IQCM: variants seen among roughly 807,000 people sequenced by gnomAD.
IQCM encodes IQ motif containing M, also known as IQ domain-containing protein M.
A neutral mutation model predicts 57.6 loss-of-function variants in IQCM; 45 were observed. That is an observed-to-expected ratio of 0.78 (90% CI 0.62 to 1.00). The LOEUF is 1.00. IQCM is among the 50% of genes least tolerant of loss of function. The pLI is 0.00. For synonymous variants in IQCM, 148 were observed against 158.9 expected (o/e 0.93, Z 0.51); for missense variants, 468 against 511.6 (o/e 0.91, Z 0.82).
chr4:149,592,863 T>A (rs1753342688), intron 8 of IQCM, among the ~76,000 whole-genome samples: 2 of 152,190 alleles, frequency 1.3e-5, no homozygotes, highest in African/African-American at 4.8e-5. Flanking sequence ...ACTGTAGCCT[T>A]GTAGTATAGT....
chr4:149,570,001 T>C (rs915315429), intron 9 of IQCM, among the ~76,000 whole-genome samples: 5 of 152,054 alleles, frequency 3.3e-5, no homozygotes, highest in South Asian at 2.1e-4. Context: ...TTAAATAGTA[T>C]ATAAATGGTT....
chr4:149,527,988 GTTTT>G (rs201549907), intron 12 of IQCM, among the ~76,000 whole-genome samples: 2 of 136,642 alleles, frequency 1.5e-5, no homozygotes, highest in African/African-American at 2.7e-5. Flanking sequence ...CTTGTTTTTT[GTTTT>G]TTTTTTTTTT....
At position 149,354,703 on chromosome 4, in the gene IQCM, T is replaced by G. The variant is rs180810032; in HGVS notation, c.1391-2637A>C. ...CCAAGTTCATGTTCTTATACATTTC[T>G]GAGTGAATCCAGGTTTGGTATTCAA... On this transcript the variant is annotated intron_variant, in intron 13 of 13. Coordinates refer to ENST00000636793, the MANE Select transcript of IQCM (RefSeq NM_001363507.2). Among the ~76,000 whole-genome samples, 468 of 152,302 alleles carry G rather than the reference T, an allele frequency of 3.1e-3. 2 individuals carry two copies. The highest frequency in any genetic ancestry group is 6.8e-3 in the Middle Eastern group (2 of 294).
chr4:149,453,856 C>T (rs1429167765), intron 12 of IQCM, among the ~76,000 whole-genome samples: 2 of 151,812 alleles, frequency 1.3e-5, no homozygotes, highest in Non-Finnish European at 2.9e-5. Flanking sequence ...AGCAACTCTA[C>T]CCCTAGGTAT....
intron 13 of IQCM, among the ~76,000 whole-genome samples, chr4:149,369,385 T>G (rs959896077): frequency 6.6e-6 from 1 of 151,808 alleles, no homozygotes; most frequent in Non-Finnish European, 1.5e-5. Flanking sequence ...ATCCTAATAT[T>G]CCAAACAAAT....
intron 2 of IQCM, among the ~76,000 whole-genome samples, chr4:149,812,169 C>G (rs1171549380): frequency 6.6e-6 from 1 of 152,094 alleles, no homozygotes; most frequent in Non-Finnish European, 1.5e-5. Flanking sequence ...GTTTATTACT[C>G]CTTTGGGTGA....
At chr4:149,813,399 A>G (rs755521145) in intron 2 of IQCM, among the ~76,000 whole-genome samples, 51 of 152,102 alleles carry the variant, frequency 3.4e-4, no homozygotes, top group Non-Finnish European at 6.3e-4. Context: ...AGACAATGGC[A>G]ATGAAATTTT....
intron 13 of IQCM, among the ~76,000 whole-genome samples, chr4:149,361,507 G>GTGCA: frequency 6.6e-6 from 1 of 152,182 alleles, no homozygotes; most frequent in Non-Finnish European, 1.5e-5. Context: ...CCTGTGCTGT[G>GTGCA]TGCAGCCTAG....
intron 12 of IQCM, among the ~76,000 whole-genome samples, chr4:149,513,835 T>C (rs1315723833): frequency 6.6e-6 from 1 of 152,058 alleles, no homozygotes; most frequent in Non-Finnish European, 1.5e-5. Context: ...TGTTTGGTAT[T>C]AAAAAGAAAT....
intron 7 of IQCM, among the ~76,000 whole-genome samples, chr4:149,643,159 G>A (rs370190665): frequency 6.6e-6 from 1 of 151,992 alleles, no homozygotes; most frequent in African/African-American, 2.4e-5. Flanking sequence ...TAATTGTAAC[G>A]CCTAGTATTT....
chr4:149,625,054 G>A (rs1016280040), intron 7 of IQCM, among the ~76,000 whole-genome samples: 1 of 152,166 alleles, frequency 6.6e-6, no homozygotes, highest in Non-Finnish European at 1.5e-5. Context: ...AGAATTAGCA[G>A]TTCCTAGTTT....
chr4:149,712,023 C>A (rs373450041), intron 5 of IQCM, among the ~76,000 whole-genome samples: 21 of 152,186 alleles, frequency 1.4e-4, no homozygotes, highest in Middle Eastern at 6.8e-3. Context: ...GCAATGGGAC[C>A]AAAACCAGAA....
chr4:149,358,744 T>C (rs1035412585), intron 13 of IQCM, among the ~76,000 whole-genome samples: 2 of 142,970 alleles, frequency 1.4e-5, no homozygotes, highest in East Asian at 2.0e-4. Context: ...TTAGTAAATA[T>C]TTGAAATGCC....
intron 12 of IQCM, among the ~76,000 whole-genome samples, chr4:149,520,448 T>C (rs1241680632): frequency 6.6e-6 from 1 of 152,166 alleles, no homozygotes; most frequent in Non-Finnish European, 1.5e-5. Flanking sequence ...CTATTTGTGA[T>C]GATGAATTAC....
chr4:149,447,886 C>CA (rs944516074), intron 12 of IQCM, among the ~76,000 whole-genome samples: 13 of 151,342 alleles, frequency 8.6e-5, no homozygotes, highest in African/African-American at 3.1e-4. Flanking sequence ...TGAATCCAGA[C>CA]AAAAAAGACA....
At chr4:149,490,084 G>A (rs2149772721) in intron 12 of IQCM, among the ~76,000 whole-genome samples, 1 of 152,050 alleles carries the variant, frequency 6.6e-6, no homozygotes. Flanking sequence ...GGTTCATAAA[G>A]TGTGAAACAT....
In IQCM at chr4:149,638,075, C is replaced by T. The variant is rs1217592593; in HGVS notation, c.566-16831G>A. On this transcript the variant is annotated intron_variant, in intron 7 of 13. Coordinates refer to ENST00000636793, the MANE Select transcript of IQCM (RefSeq NM_001363507.2). ...TTAAATTCAGAATATATACAGAGTT[C>T]TGCAATTCAATAATAAAAAGACAAC... is the stretch of plus-strand genomic sequence containing the variant. 2.0e-5 allele frequency among the ~76,000 whole-genome samples: 3 copies of T among 152,126 alleles called. 1 individual carries two copies. Among genetic ancestry groups the T allele is most frequent in the African/African-American group, 7.2e-5 (3 of 41,440 alleles).
rs1748692343 is a variant in IQCM at position 149,548,593 on chromosome 4, A to G, written c.1094-4T>C. 8.3e-7 allele frequency: 1 copy of G among 1,203,112 alleles called. No individual in the cohort carries two copies. The highest frequency in any genetic ancestry group is 4.2e-5 in the Admixed American group (1 of 23,648). 74.5% of individuals were successfully genotyped at this position (1,203,112 alleles called of 1,614,324 possible). ...TTAGCAAACATTATTTCATAGACTAAAAGGACAAAAATGTAAAAGAAAATA... is the reference window on the plus strand; with the variant it reads ...TTAGCAAACATTATTTCATAGACTAGAAGGACAAAAATGTAAAAGAAAATA... On this transcript the variant is annotated splice_region_variant and splice_polypyrimidine_tract_variant and intron_variant, in intron 11 of 13. Coordinates refer to ENST00000636793, the MANE Select transcript of IQCM (RefSeq NM_001363507.2).
At chr4:149,645,408 C>T (rs1025056139) in intron 7 of IQCM, among the ~76,000 whole-genome samples, 1 of 152,062 alleles carries the variant, frequency 6.6e-6, no homozygotes, top group Non-Finnish European at 1.5e-5. Flanking sequence ...ACATTTTTAA[C>T]TTTTTAATTG....
Sources: allele counts gnomAD v4.1 joint callset (sites outside exome capture counted in the v4.1 genomes callset), GRCh38; gene constraint gnomAD v4.1.1; transcripts MANE v1.5; gene names NCBI Gene and HGNC (gene_info 2026-07-23, HGNC 2026-07-21).